Variants in MAN1A1 observed in about 807,000 individuals in gnomAD.
The protein encoded by MAN1A1 is mannosyl-oligosaccharide 1,2-alpha-mannosidase IA.
A neutral mutation model predicts 70.8 loss-of-function variants in MAN1A1; 29 were observed. The observed-to-expected ratio is 0.41, with a 90% confidence interval of 0.31 to 0.56. The LOEUF (loss-of-function observed/expected upper bound fraction) is 0.56, where lower values mean the gene tolerates loss of function less well. MAN1A1 is among the 20% of genes least tolerant of loss of function. MAN1A1 has a pLI of 0.29. For synonymous variants in MAN1A1, 349 were observed against 330.1 expected (o/e 1.06, Z -0.62); for missense variants, 747 against 841.3 (o/e 0.89, Z 1.39).
intron 6 of MAN1A1, among the ~76,000 whole-genome samples, chr6:119,220,172 G>A (rs913531748): frequency 2.6e-4 from 39 of 151,884 alleles, no homozygotes; most frequent in African/African-American, 9.2e-4. Context: ...TGTTCATTAC[G>A]ACAACTACTT....
intron 8 of MAN1A1, among the ~76,000 whole-genome samples, chr6:119,195,619 G>A (rs1773547733): frequency 6.6e-6 from 1 of 152,172 alleles, no homozygotes; most frequent in South Asian, 2.1e-4. Context: ...CAAGAGGGCA[G>A]AGACCAGACC....
chr6:119,265,308 A>C (rs1775722951), intron 5 of MAN1A1, among the ~76,000 whole-genome samples: 1 of 151,994 alleles, frequency 6.6e-6, no homozygotes, highest in Admixed American at 6.6e-5. Context: ...TTTGTTACCC[A>C]GGCTGGTCTC....
intron 4 of MAN1A1, among the ~76,000 whole-genome samples, chr6:119,299,802 A>G (rs978596688): frequency 6.6e-6 from 1 of 152,206 alleles, no homozygotes; most frequent in African/African-American, 2.4e-5. Context: ...GTCTGAGGAC[A>G]GCCAACTGCC....
chr6:119,195,793 A>AT (rs2114939017), intron 8 of MAN1A1, among the ~76,000 whole-genome samples: 1 of 152,132 alleles, frequency 6.6e-6, no homozygotes, highest in Admixed American at 6.5e-5. Flanking sequence ...TAAGTATGTG[A>AT]TTTTCTTTTT....
chr6:119,332,070 T>C (rs1362751079), intron 2 of MAN1A1: 2 of 417,990 alleles, frequency 4.8e-6, no homozygotes, highest in Non-Finnish European at 9.5e-6. Flanking sequence ...ATACTTGTTG[T>C]TCTGAGAATT....
intron 6 of MAN1A1, among the ~76,000 whole-genome samples, chr6:119,209,717 T>C (rs994188804): frequency 1.3e-5 from 2 of 152,174 alleles, no homozygotes; most frequent in African/African-American, 2.4e-5. Context: ...CTGAAAAGGT[T>C]TGCACAGTGC....
chr6:119,238,083 T>A (rs1359027425), intron 6 of MAN1A1, among the ~76,000 whole-genome samples: 1 of 152,216 alleles, frequency 6.6e-6, no homozygotes, highest in Non-Finnish European at 1.5e-5. Context: ...CACTGTCAGA[T>A]ATTAAAAATT....
In MAN1A1 at chr6:119,349,708, G is replaced by A; in HGVS notation, c.-389C>T. ...TGGGCGAGCGCGCCGACCTGCGGGC[G>A]AATGGCAGCGAGTAGAGCAGCACGG... On this transcript the variant is annotated 5_prime_UTR_variant, in exon 1 of 13. Transcript: ENST00000368468. 3 of 985,814 alleles carry A rather than the reference G, an allele frequency of 3.0e-6. No homozygotes were observed. The highest frequency in any genetic ancestry group is 3.6e-6 in the Non-Finnish European group (3 of 830,052). 61.1% of individuals were successfully genotyped at this position (985,814 alleles called of 1,614,324 possible). A position where few individuals can be genotyped will look rare whatever the true frequency, so the allele number is the denominator to read the frequency against.
chr6:119,215,055 G>A (rs1226408898), intron 6 of MAN1A1, among the ~76,000 whole-genome samples: 1 of 151,792 alleles, frequency 6.6e-6, no homozygotes. Context: ...GTTGTGGGGT[G>A]GGGGGAAGGG....
At chr6:119,275,277 ATTTTTTTTTTTTTTTTTTTTTTTTTTT>A (rs869090504) in intron 5 of MAN1A1, among the ~76,000 whole-genome samples, 28 of 52,894 alleles carry the variant, frequency 5.3e-4, no homozygotes, top group Admixed American at 3.2e-3. Context: ...TACCCAGCTA[ATTTTTTTTTTTTTTTTTTTTTTTTTTT>A]TTTTTTTTTT....
chr6:119,233,353 T>C (rs1774741030), intron 6 of MAN1A1, among the ~76,000 whole-genome samples: 1 of 152,226 alleles, frequency 6.6e-6, no homozygotes, highest in African/African-American at 2.4e-5. Context: ...AATAAGAGTG[T>C]GCCGCAAATT....
chr6:119,198,830 A>G (rs930926188), intron 8 of MAN1A1, among the ~76,000 whole-genome samples: 6 of 152,242 alleles, frequency 3.9e-5, no homozygotes, highest in Admixed American at 2.0e-4. Flanking sequence ...ACAGTCAGAA[A>G]AAGAAAGGAT....
chr6:119,299,571 G>C (rs569837039), intron 4 of MAN1A1, among the ~76,000 whole-genome samples: 16 of 151,132 alleles, frequency 1.1e-4, no homozygotes, highest in Admixed American at 2.0e-4. Context: ...TACTAATTGA[G>C]TAAAATTTTA....
At chr6:119,286,076 C>T (rs1378577347) in intron 5 of MAN1A1, among the ~76,000 whole-genome samples, 1 of 152,148 alleles carries the variant, frequency 6.6e-6, no homozygotes, top group East Asian at 1.9e-4. Flanking sequence ...ACTTTATTCT[C>T]TGTTTTTCCA....
At chr6:119,303,087 T>C (rs1332302761) in intron 3 of MAN1A1, among the ~76,000 whole-genome samples, 1 of 152,148 alleles carries the variant, frequency 6.6e-6, no homozygotes. Context: ...GGTGCAATCA[T>C]AGCTCACTGC....
chr6:119,192,656 G>T (rs726726), intron 9 of MAN1A1, among the ~76,000 whole-genome samples: 2 of 151,894 alleles, frequency 1.3e-5, no homozygotes, highest in Admixed American at 1.3e-4. Flanking sequence ...TTTCTAAGCT[G>T]TCAAGAAAAA....
intron 2 of MAN1A1, among the ~76,000 whole-genome samples, chr6:119,336,903 G>C (rs1773465746): frequency 6.6e-6 from 1 of 151,614 alleles, no homozygotes; most frequent in African/African-American, 2.4e-5. Context: ...CAGTATTCTA[G>C]GTAATAAAGA....
At chr6:119,198,171 C>T (rs1156496525) in intron 8 of MAN1A1, among the ~76,000 whole-genome samples, 1 of 152,176 alleles carries the variant, frequency 6.6e-6, no homozygotes, top group Admixed American at 6.5e-5. Context: ...GGCGGATCAC[C>T]TGAGGTCAGG....
At chr6:119,322,619 A>C (rs966163223) in intron 2 of MAN1A1, among the ~76,000 whole-genome samples, 1 of 152,146 alleles carries the variant, frequency 6.6e-6, no homozygotes, top group Non-Finnish European at 1.5e-5. Context: ...GAAATTATAT[A>C]ATATACATAG....
Sources: gnomAD v4.1 joint callset for allele counts (sites outside exome capture counted in the v4.1 genomes callset) on GRCh38, gnomAD v4.1.1 for gene constraint, MANE v1.5 for transcripts, NCBI Gene and HGNC (gene_info 2026-07-23, HGNC 2026-07-21) for gene names.